TSC22D2: variants seen among roughly 807,000 people sequenced by gnomAD.
TSC22D2 encodes TSC22 domain family member 2.
In TSC22D2, 5 loss-of-function variants were observed where a neutral mutation model predicts 50.1. The ratio of observed to expected loss-of-function variants is 0.10; its 90% CI spans 0.05 to 0.21. TSC22D2 has a LOEUF of 0.21. TSC22D2 is among the 10% of genes least tolerant of loss of function. The pLI is 1.00. For missense variants in TSC22D2, 1,003 were observed against 1,015.5 expected (o/e 0.99, Z 0.17); for synonymous variants, 501 against 450.1 (o/e 1.11, Z -1.43).
chr3:150,443,392 A>T (rs1720780222), intron 1 of TSC22D2, among the ~76,000 whole-genome samples: 1 of 152,220 alleles, frequency 6.6e-6, no homozygotes, highest in Non-Finnish European at 1.5e-5. Context: ...TTTCCAGTTC[A>T]TGGCCGTAAG....
chr3:150,422,611 C>G (rs1374634138), intron 1 of TSC22D2, among the ~76,000 whole-genome samples: 1 of 152,044 alleles, frequency 6.6e-6, no homozygotes, highest in Non-Finnish European at 1.5e-5. Flanking sequence ...TTAACAGAGC[C>G]TAAGAAAAGT....
chr3:150,419,962 A>G (rs1576543906), intron 1 of TSC22D2, among the ~76,000 whole-genome samples: 1 of 152,200 alleles, frequency 6.6e-6, no homozygotes, highest in African/African-American at 2.4e-5. Flanking sequence ...GCTGGTTTCA[A>G]ATTTTATTTC....
At chr3:150,437,611 C>T (rs1180400125) in intron 1 of TSC22D2, among the ~76,000 whole-genome samples, 1 of 150,992 alleles carries the variant, frequency 6.6e-6, no homozygotes, top group Non-Finnish European at 1.5e-5. Context: ...ACCATCCTGG[C>T]TAACACAGTG....
rs994413521 is a variant in TSC22D2, at chr3:150,410,044, A to C, written c.694A>C (p.Met232Leu). The part of the protein sequence containing the change: ...GGSVVVVVAS[M>L]QGAHGPESGT... Reference sequence around the variant, plus strand: ...GTCGGTGGTGGTAGTAGTGGCCTCCATGCAGGGGGCGCACGGGCCCGAGTC... The same window carrying C: ...GTCGGTGGTGGTAGTAGTGGCCTCCCTGCAGGGGGCGCACGGGCCCGAGTC... Residue 232 changes from methionine to leucine, a missense_variant, in exon 1 of 3, where the codon ATG (methionine) becomes CTG (leucine). Met to Leu is a conservative substitution (Grantham distance 15). This residue lies in a region of TSC22D2 where 696 missense variants were observed against 647.8 expected (regional missense o/e 1.07). Transcript: ENST00000688009. 2 of 1,613,224 alleles carry C rather than the reference A, an allele frequency of 1.2e-6. No homozygotes were observed. The highest frequency in any genetic ancestry group is 1.7e-6 in the Non-Finnish European group (2 of 1,180,000).
rs1051106281 is a variant in TSC22D2 at position 150,465,317 on chromosome 3, G to C, written c.*6681G>C. 2 of 152,108 alleles carry C rather than the reference G, an allele frequency of 1.3e-5. No homozygotes were observed. The highest frequency in any genetic ancestry group is 2.9e-5 in the Non-Finnish European group (2 of 67,996). 9.4% of individuals were successfully genotyped at this position (152,108 alleles called of 1,614,324 possible). A position where few individuals can be genotyped will look rare whatever the true frequency, so the allele number is the denominator to read the frequency against. ...AAGAACTTTACAAATAGGTTATAAA[G>C]AGAAGCTCAATCTCAGCAAAATAAG... On this transcript the variant is annotated 3_prime_UTR_variant, in exon 3 of 3. Coordinates refer to ENST00000688009, the MANE Select transcript of TSC22D2 (RefSeq NM_001303264.2).
rs71138443 is a variant in TSC22D2 at position 150,431,224 on chromosome 3, C to CAA, written c.1958+19942_1958+19943dup. 7.4e-3 allele frequency among the ~76,000 whole-genome samples: 206 copies of CAA among 27,924 alleles called. 35 individuals are homozygous for CAA. Among genetic ancestry groups the CAA allele is most frequent in the East Asian group, 0.024 (14 of 582 alleles). 18.3% of individuals were successfully genotyped at this position (27,924 alleles called of 152,430 possible). On this transcript the variant is annotated intron_variant, in intron 1 of 2. Transcript: ENST00000688009. ...TGGGTGACAGAGTGAGGCTCTGTCT[C>CAA]AAAAAAAAAAAAAAAAAAAAAAAAA...
chr3:150,413,198 C>T (rs932515514), intron 1 of TSC22D2, among the ~76,000 whole-genome samples: 15 of 152,150 alleles, frequency 9.9e-5, no homozygotes, highest in African/African-American at 3.6e-4. Context: ...ATTTTTTCCT[C>T]TTACTGTATT....
At chr3:150,457,648 T>G (rs568311504) in intron 2 of TSC22D2, among the ~76,000 whole-genome samples, 4 of 152,258 alleles carry the variant, frequency 2.6e-5, no homozygotes, top group Admixed American at 6.5e-5. Context: ...GGTATTTTTG[T>G]TTGTTTTGAG....
Position 150,411,045 on chromosome 3 carries a change from A to T in TSC22D2, c.1695A>T (p.Thr565=). 1 of 1,614,234 alleles carries T rather than the reference A, an allele frequency of 6.2e-7. No homozygotes were observed. The highest frequency in any genetic ancestry group is 2.2e-5 in the East Asian group (1 of 44,888). Residue 565 remains threonine, a synonymous_variant, in exon 1 of 3, where the codon ACA becomes ACT. Transcript: ENST00000688009. ...TTGGGCTGCCCTTAGCGCCAGGCAC[A>T]CACAGCGCACCAACAAGTCTACCAC... The part of the protein sequence containing the change: ...QHVGLPLAPG[T]HSAPTSLPQS...
rs1481100994 is a variant in TSC22D2, at chr3:150,460,812, T to G, written c.*2176T>G. ...GAAATGGGATTTTTGTGAAAATAGA[T>G]TCCATTTTGATTCTGGGGCTGGAAA... is the stretch of plus-strand genomic sequence containing the variant. On this transcript the variant is annotated 3_prime_UTR_variant, in exon 3 of 3. Transcript: ENST00000688009. 5 of 152,070 alleles carry G rather than the reference T, an allele frequency of 3.3e-5. No homozygotes were observed. Among genetic ancestry groups the G allele is most frequent in the African/African-American group, 1.2e-4 (5 of 41,450 alleles). The allele number at this position is 152,070 out of a possible 1,614,324, so 9.4% of individuals were successfully genotyped here.
At chr3:150,417,933 T>C (rs983318632) in intron 1 of TSC22D2, among the ~76,000 whole-genome samples, 1 of 152,112 alleles carries the variant, frequency 6.6e-6, no homozygotes, top group Non-Finnish European at 1.5e-5. Context: ...CTGGTTTCTT[T>C]GGTCAAGTCA....
At chr3:150,428,112 T>G (rs1171484123) in intron 1 of TSC22D2, among the ~76,000 whole-genome samples, 1 of 152,130 alleles carries the variant, frequency 6.6e-6, no homozygotes, top group Admixed American at 6.6e-5. Context: ...TGTCTTCCAT[T>G]TTAATTTGTA....
intron 1 of TSC22D2, among the ~76,000 whole-genome samples, chr3:150,421,231 C>T (rs1719996860): frequency 6.6e-6 from 1 of 152,206 alleles, no homozygotes; most frequent in Admixed American, 6.5e-5. Context: ...CTACCTTCCT[C>T]TTTGAGTCAC....
In TSC22D2 at chr3:150,410,832, C is replaced by T. The variant is rs766012268; in HGVS notation, c.1482C>T (p.Ala494=). The change falls in exon 1 of 3, where the codon GCC becomes GCT. Residue 494 remains alanine, a synonymous_variant. Transcript: ENST00000688009. ...TGGGTGGCAGTGGTCCGCTGTCAGC[C>T]GTACCTGGTGGCCCTCACGCCGTGG... The part of the protein sequence containing the change: ...PQMGGSGPLS[A]VPGGPHAVVP... 3.1e-6 allele frequency: 5 copies of T among 1,613,616 alleles called. No individual in the cohort carries two copies. The highest frequency in any genetic ancestry group is 4.2e-6 in the Non-Finnish European group (5 of 1,180,016).
intron 1 of TSC22D2, among the ~76,000 whole-genome samples, chr3:150,444,743 TA>T (rs1720824817): frequency 6.6e-6 from 1 of 152,214 alleles, no homozygotes. Context: ...ACTGAAATGA[TA>T]AAAACTTAGA....
chr3:150,439,467 CT>C (rs1370995682), intron 1 of TSC22D2, among the ~76,000 whole-genome samples: 1 of 152,164 alleles, frequency 6.6e-6, no homozygotes, highest in Non-Finnish European at 1.5e-5. Context: ...TAAGTTATCT[CT>C]TATTCCGTAT....
intron 1 of TSC22D2, among the ~76,000 whole-genome samples, chr3:150,452,426 C>T (rs547464294): frequency 2.0e-5 from 3 of 150,682 alleles, no homozygotes; most frequent in Admixed American, 6.6e-5. Context: ...GCCTGGGCAA[C>T]GAGAGTGAAA....
chr3:150,428,172 A>G (rs866745300), intron 1 of TSC22D2, among the ~76,000 whole-genome samples: 1 of 151,986 alleles, frequency 6.6e-6, no homozygotes, highest in Non-Finnish European at 1.5e-5. Flanking sequence ...GTCTGGTCTT[A>G]TTGGTGTGGA....
intron 1 of TSC22D2, among the ~76,000 whole-genome samples, chr3:150,441,572 C>A (rs1270857875): frequency 2.6e-5 from 4 of 152,068 alleles, no homozygotes; most frequent in Non-Finnish European, 5.9e-5. Flanking sequence ...CCAGCCTGGA[C>A]AACATAGGGA....
Sources: gnomAD v4.1 joint callset for allele counts (sites outside exome capture counted in the v4.1 genomes callset) on GRCh38, gnomAD v4.1.1 for gene constraint, gnomAD v4.1.1 regional missense constraint, MANE v1.5 for transcripts, NCBI Gene and HGNC (gene_info 2026-07-23, HGNC 2026-07-21) for gene names.